Variants in LCP2 observed in about 807,000 individuals in gnomAD.
The protein encoded by LCP2 is 76 kDa tyrosine phosphoprotein.
LCP2 carries 29 observed loss-of-function variants against 74.5 expected under a neutral mutation model. The ratio of observed to expected loss-of-function variants is 0.39; its 90% CI spans 0.29 to 0.53. The LOEUF (loss-of-function observed/expected upper bound fraction) is 0.53. Among genes scored for constraint, LCP2 ranks in the 20% least tolerant of loss-of-function variants. LCP2 has a pLI of 0.72. For synonymous variants in LCP2, 228 were observed against 229.5 expected (o/e 0.99, Z 0.06); for missense variants, 604 against 634.6 (o/e 0.95, Z 0.52).
chr5:170,286,503 A>G (rs570855378), intron 3 of LCP2, among the ~76,000 whole-genome samples: 1 of 152,348 alleles, frequency 6.6e-6, no homozygotes, highest in South Asian at 2.1e-4. Flanking sequence ...GAAATGTTCT[A>G]TATCTGCACT....
chr5:170,279,072 C>T (rs1047550469), intron 3 of LCP2, among the ~76,000 whole-genome samples: 1 of 152,106 alleles, frequency 6.6e-6, no homozygotes, highest in Non-Finnish European at 1.5e-5. Context: ...AGGGAGGTGA[C>T]TCATTCTCCC....
intron 10 of LCP2, among the ~76,000 whole-genome samples, chr5:170,263,975 A>G (rs1761705555): frequency 6.6e-6 from 1 of 152,198 alleles, no homozygotes; most frequent in African/African-American, 2.4e-5. Context: ...GCCAGAGGGA[A>G]AAGCACTCAG....
rs1465189411 is a variant in LCP2, at chr5:170,256,498, G to C, written c.1150+28C>G. 2 of 1,593,652 alleles carry C rather than the reference G, an allele frequency of 1.3e-6. No individual in the cohort carries two copies. The highest frequency in any genetic ancestry group is 2.7e-5 in the African/African-American group (2 of 74,484). ...CAGTCATAAAGGCTTGATGGCTGAA[G>C]CACGTCACAAAAGCCCAGAGTACAA... On this transcript the variant is annotated intron_variant, in intron 17 of 20. Coordinates refer to ENST00000046794, the MANE Select transcript of LCP2 (RefSeq NM_005565.5). This position sits in a 1 kb window ranked among gnomAD's most constrained non-coding sequence, Gnocchi z 4.5.
chr5:170,266,262 A>G (rs905526902), intron 10 of LCP2, among the ~76,000 whole-genome samples: 3 of 152,244 alleles, frequency 2.0e-5, no homozygotes, highest in Admixed American at 6.5e-5. Flanking sequence ...TTGCATACCT[A>G]AAACAAAAAC....
Position 170,251,814 on chromosome 5 carries a change from T to G in LCP2, c.1323+620A>C, listed in dbSNP as rs374528507. 43 of 329,230 alleles carry G rather than the reference T, an allele frequency of 1.3e-4. No homozygotes were observed. The East Asian group carries it at 1.4e-3, about 11-fold the overall frequency. The allele number at this position is 329,230 out of a possible 1,614,324, so 20.4% of individuals were successfully genotyped here. A position where few individuals can be genotyped will look rare whatever the true frequency, so the allele number is the denominator to read the frequency against. On this transcript the variant is annotated intron_variant, in intron 19 of 20. Coordinates refer to ENST00000046794, the MANE Select transcript of LCP2 (RefSeq NM_005565.5). ...TCAAGGTGAGACCCAGGAATCGGGA[T>G]TTTTCAAAAGTTCTCCGGGTGATCT...
At chr5:170,254,558 C>G (rs556094698) in intron 17 of LCP2, among the ~76,000 whole-genome samples, 1 of 152,310 alleles carries the variant, frequency 6.6e-6, no homozygotes, top group East Asian at 1.9e-4. Flanking sequence ...CTTCCTTCTC[C>G]AAGTTCCCAG....
At chr5:170,287,593 A>G in intron 3 of LCP2, 1 of 266,784 alleles carries the variant, frequency 3.7e-6, no homozygotes, top group Non-Finnish European at 7.4e-6. Context: ...CTCTCATTTT[A>G]CTGTGTGAGA....
intron 1 of LCP2, among the ~76,000 whole-genome samples, chr5:170,294,851 C>T (rs1393938425): frequency 3.3e-5 from 5 of 152,210 alleles, no homozygotes; most frequent in African/African-American, 4.8e-5. Context: ...TTGAAGAGTG[C>T]TAACTTTGTG....
At chr5:170,286,659 C>G (rs954297730) in intron 3 of LCP2, among the ~76,000 whole-genome samples, 2 of 152,216 alleles carry the variant, frequency 1.3e-5, no homozygotes, top group African/African-American at 2.4e-5. Flanking sequence ...TTCAACAATA[C>G]GTGTCCCTGG....
chr5:170,248,892 T>C, intron 20 of LCP2, 73 bp from the exon 21 acceptor site: 1 of 1,469,314 alleles, frequency 6.8e-7, no homozygotes, highest in Non-Finnish European at 9.4e-7. Flanking sequence ...AGTTTTTTTA[T>C]CTGCATAATA....
intron 20 of LCP2, among the ~76,000 whole-genome samples, 190 bp from the exon 21 acceptor site, chr5:170,249,009 T>G (rs545478069): frequency 5.3e-5 from 8 of 152,238 alleles, no homozygotes; most frequent in Non-Finnish European, 1.2e-4. Context: ...CTCATAAACA[T>G]CCAACAAACC....
chr5:170,292,268 A>G (rs1762306558), intron 2 of LCP2, among the ~76,000 whole-genome samples: 1 of 152,210 alleles, frequency 6.6e-6, no homozygotes, highest in Non-Finnish European at 1.5e-5. Flanking sequence ...CTTACATGGC[A>G]CCTGGAAGCA....
chr5:170,289,511 C>T (rs13155130), intron 2 of LCP2, among the ~76,000 whole-genome samples: 7,853 of 152,168 alleles, frequency 0.052, 272 homozygotes, highest in Admixed American at 0.07. Flanking sequence ...AGACCACCTG[C>T]GGCAGGGTGG....
rs980897110 is a variant in LCP2 at position 170,248,033 on chromosome 5, A to T, written c.*664T>A. On this transcript the variant is annotated 3_prime_UTR_variant, in exon 21 of 21. Coordinates refer to ENST00000046794, the MANE Select transcript of LCP2 (RefSeq NM_005565.5). ...TTTAAATTTTCTTTAAGACAAAAAT[A>T]TAACAGTATGGACTAAAAGTCAATA... 2 of 152,268 alleles carry T rather than the reference A, an allele frequency of 1.3e-5. No individual in the cohort carries two copies. Among genetic ancestry groups the T allele is most frequent in the Non-Finnish European group, 2.9e-5 (2 of 68,044 alleles). 9.4% of individuals were successfully genotyped at this position (152,268 alleles called of 1,614,324 possible). A position where few individuals can be genotyped will look rare whatever the true frequency, so the allele number is the denominator to read the frequency against.
intron 14 of LCP2, 177 bp downstream of exon 14, chr5:170,260,930 C>A: frequency 1.7e-6 from 1 of 602,714 alleles, no homozygotes; most frequent in South Asian, 2.0e-5. Context: ...TGATGGGCTC[C>A]AGACAATGAC....
At chr5:170,272,237 T>C (rs970748767) in intron 6 of LCP2, among the ~76,000 whole-genome samples, 2 of 152,252 alleles carry the variant, frequency 1.3e-5, no homozygotes, top group Admixed American at 1.3e-4. Flanking sequence ...TTTTCCTCTC[T>C]GCTTCTAGAA....
chr5:170,285,769 G>T (rs901144384), intron 3 of LCP2, among the ~76,000 whole-genome samples: 17 of 152,112 alleles, frequency 1.1e-4, no homozygotes, highest in African/African-American at 3.9e-4. Flanking sequence ...CTCCTTTCAT[G>T]CATGGACTGA....
intron 16 of LCP2, 120 bp downstream of exon 16, chr5:170,257,917 A>G: frequency 3.6e-6 from 4 of 1,110,582 alleles, no homozygotes; most frequent in Non-Finnish European, 5.3e-6. Flanking sequence ...AAGACCCAAA[A>G]TGTTCAGACC....
chr5:170,290,670 G>A (rs1042305228), intron 2 of LCP2, among the ~76,000 whole-genome samples: 6 of 152,160 alleles, frequency 3.9e-5, no homozygotes, highest in Non-Finnish European at 7.4e-5. Context: ...GTTAGATGAA[G>A]CCTGGGTTCT....
Sources: gnomAD v4.1 joint callset for allele counts (sites outside exome capture counted in the v4.1 genomes callset) on GRCh38, gnomAD v4.1.1 for gene constraint, Gnocchi (gnomAD v3.1) non-coding constraint, MANE v1.5 for transcripts, NCBI Gene and HGNC (gene_info 2026-07-23, HGNC 2026-07-21) for gene names.